The following CPEB3 variants were observed in gnomAD, a reference collection of about 807,000 sequenced individuals.
The protein encoded by CPEB3 is cytoplasmic polyadenylation element-binding protein 3.
A neutral mutation model predicts 67.2 loss-of-function variants in CPEB3; 20 were observed. The ratio of observed to expected loss-of-function variants is 0.30; its 90% confidence interval spans 0.21 to 0.43. The LOEUF is 0.43. CPEB3 is among the 20% of genes least tolerant of loss of function. The pLI, the probability that CPEB3 is intolerant of heterozygous loss-of-function variation, is 1.00. For missense variants in CPEB3, 746 were observed against 968.6 expected, an observed-to-expected ratio of 0.77 and a Z score of 3.05; for synonymous variants, 376 against 393.1, an observed-to-expected ratio of 0.96 and a Z score of 0.51.
chr10:92,148,902 CTT>C (rs35237832), intron 4 of CPEB3, among the ~76,000 whole-genome samples: 2,187 of 131,240 alleles, frequency 0.017, 27 homozygotes, highest in African/African-American at 0.055. Flanking sequence ...CTAATACTGG[CTT>C]TTTTTTTTTT....
chr10:92,090,258 T>C (rs1293118948), intron 8 of CPEB3, among the ~76,000 whole-genome samples: 1 of 152,180 alleles, frequency 6.6e-6, no homozygotes, highest in African/African-American at 2.4e-5. Context: ...AACTAATTTG[T>C]GGCTGGGCGT....
chr10:92,063,199 G>C (rs1842422618), intron 9 of CPEB3, among the ~76,000 whole-genome samples: 2 of 152,190 alleles, frequency 1.3e-5, no homozygotes, highest in South Asian at 4.1e-4. Context: ...TCCGTCTGCA[G>C]TCATTTTGTT....
intron 7 of CPEB3, among the ~76,000 whole-genome samples, chr10:92,106,616 A>G (rs1472096283): frequency 6.6e-6 from 1 of 151,976 alleles, no homozygotes; most frequent in Non-Finnish European, 1.5e-5. Context: ...GGAGTTCGAG[A>G]CCAGCCTGGC....
intron 2 of CPEB3, among the ~76,000 whole-genome samples, chr10:92,203,530 T>TA (rs1564863609): frequency 9.2e-5 from 9 of 97,850 alleles, no homozygotes; most frequent in African/African-American, 2.1e-4. Context: ...ATATATATAT[T>TA]TTTTTTTTAG....
At chr10:92,188,942 A>C (rs919078887) in intron 3 of CPEB3, among the ~76,000 whole-genome samples, 2 of 152,158 alleles carry the variant, frequency 1.3e-5, no homozygotes, top group African/African-American at 4.8e-5. Flanking sequence ...CATGACCAAA[A>C]AACTATTAAA....
rs200179192 is a variant in CPEB3, at chr10:92,211,536, A to AT, written c.1006-18901dup. Among the ~76,000 whole-genome samples, 685 of 140,808 alleles carry AT rather than the reference A, an allele frequency of 4.9e-3. 1 individual carries two copies. Among genetic ancestry groups the AT allele is most frequent in the East Asian group, 0.018 (89 of 4,860 alleles). The allele number at this position is 140,808 out of a possible 152,430, so 92.4% of individuals were successfully genotyped here. A position where few individuals can be genotyped will look rare whatever the true frequency, so the allele number is the denominator to read the frequency against. On this transcript the variant is annotated intron_variant, in intron 2 of 9. Coordinates refer to ENST00000265997, the MANE Select transcript of CPEB3 (RefSeq NM_014912.5). Reference sequence around the variant, plus strand: ...ACAGCTCATTCAAACATATATCATAATTTTTTTTTTTTTTTTTTGAGACAG... The same window carrying AT: ...ACAGCTCATTCAAACATATATCATAATTTTTTTTTTTTTTTTTTTGAGACAG...
At chr10:92,081,947 T>C (rs1057037690) in intron 8 of CPEB3, among the ~76,000 whole-genome samples, 4 of 152,220 alleles carry the variant, frequency 2.6e-5, no homozygotes, top group African/African-American at 7.2e-5. Context: ...GACTAAGCTA[T>C]AGAAAGGATT....
intron 9 of CPEB3, among the ~76,000 whole-genome samples, chr10:92,071,324 G>A (rs1842744753): frequency 6.6e-6 from 1 of 152,228 alleles, no homozygotes; most frequent in Non-Finnish European, 1.5e-5. Flanking sequence ...CAATGGTTGT[G>A]TTGGGGGGCA....
chr10:92,216,601 A>G (rs1590414031), intron 2 of CPEB3: 2 of 1,610,428 alleles, frequency 1.2e-6, no homozygotes, highest in Admixed American at 1.7e-5. Context: ...CCATTGAGGT[A>G]TACTGCCATC....
chr10:92,231,428 C>T (rs1851262812), intron 2 of CPEB3, among the ~76,000 whole-genome samples: 1 of 152,178 alleles, frequency 6.6e-6, no homozygotes, highest in Non-Finnish European at 1.5e-5. Flanking sequence ...TTTCAGAACA[C>T]TTTGTACACA....
intron 2 of CPEB3, among the ~76,000 whole-genome samples, chr10:92,225,079 A>G (rs1850903675): frequency 6.6e-6 from 1 of 151,596 alleles, no homozygotes; most frequent in East Asian, 1.9e-4. Flanking sequence ...GGTTCAAGCA[A>G]TTCTCCTGCC....
In CPEB3 at chr10:92,052,077, A is replaced by AATT. The variant is rs987990380; in HGVS notation, c.*134_*135insAAT. 1.7e-6 allele frequency: 1 copy of AATT among 605,668 alleles called. No individual in the cohort carries two copies. The highest frequency in any genetic ancestry group is 1.9e-5 in the African/African-American group (1 of 53,882). 37.5% of individuals were successfully genotyped at this position (605,668 alleles called of 1,614,324 possible). A position where few individuals can be genotyped will look rare whatever the true frequency, so the allele number is the denominator to read the frequency against. On this transcript the variant is annotated 3_prime_UTR_variant, in exon 10 of 10. Transcript: ENST00000265997. ...GACTGTAAATAATAATAATAATAAT[A>AATT]AAAAGACCCAATTCTTCTTTAAAAA...
chr10:92,168,118 T>C (rs1847831116), intron 4 of CPEB3, among the ~76,000 whole-genome samples: 1 of 152,206 alleles, frequency 6.6e-6, no homozygotes, highest in Non-Finnish European at 1.5e-5. Flanking sequence ...CTATGAAGCA[T>C]GATACAGTGA....
At position 92,118,572 on chromosome 10, in the gene CPEB3, A is replaced by C. The variant is rs1197743747; in HGVS notation, c.1454-7378T>G. On this transcript the variant is annotated intron_variant, in intron 6 of 9. Coordinates refer to ENST00000265997, the MANE Select transcript of CPEB3 (RefSeq NM_014912.5). ...AAAACAATGGGCATGAACTCTTCTA[A>C]TGATATAAAAGACAAAAAGCCTAGG... 9.7e-6 allele frequency: 3 copies of C among 308,856 alleles called. No homozygotes were observed. The East Asian group carries it at 2.2e-4, about 23-fold the overall frequency. The allele number at this position is 308,856 out of a possible 1,614,324, so 19.1% of individuals were successfully genotyped here. A position where few individuals can be genotyped will look rare whatever the true frequency, so the allele number is the denominator to read the frequency against.
At chr10:92,098,254 C>A (rs551678948) in intron 7 of CPEB3, among the ~76,000 whole-genome samples, 1 of 144,460 alleles carries the variant, frequency 6.9e-6, no homozygotes, top group African/African-American at 2.5e-5. Context: ...CCATAGACCC[C>A]ATTTTTTGCA....
chr10:92,138,102 T>C lies in CPEB3; in HGVS notation c.1453+4927A>G, dbSNP rs12243594. The C allele has an allele frequency of 2.9e-3, 466 of 159,496 alleles. 1 individual carries two copies. The highest frequency in any genetic ancestry group is 0.011 in the African/African-American group (450 of 41,766). The allele number at this position is 159,496 out of a possible 1,614,324, so 9.9% of individuals were successfully genotyped here. On this transcript the variant is annotated intron_variant, in intron 6 of 9. Transcript: ENST00000265997. ...AGATATGGAACAAAAGAATGAAATG[T>C]GATCATGAGGGAGTTTTGTTCTGGC... is the stretch of plus-strand genomic sequence containing the variant.
At chr10:92,145,815 T>C (rs1443445317) in intron 4 of CPEB3, among the ~76,000 whole-genome samples, 2 of 152,216 alleles carry the variant, frequency 1.3e-5, no homozygotes, top group South Asian at 2.1e-4. Flanking sequence ...GATTTTTATC[T>C]GCTCTTTATG....
Position 92,049,633 on chromosome 10 carries a change from C to T in CPEB3, c.*2579G>A, listed in dbSNP as rs1852216028. 6.6e-6 allele frequency: 1 copy of T among 152,602 alleles called. No individual in the cohort carries two copies. Among genetic ancestry groups the T allele is most frequent in the African/African-American group, 2.4e-5 (1 of 41,454 alleles). 9.5% of individuals were successfully genotyped at this position (152,602 alleles called of 1,614,324 possible). A position where few individuals can be genotyped will look rare whatever the true frequency, so the allele number is the denominator to read the frequency against. Reference sequence around the variant, plus strand: ...GGGAAAGTAGTTTCCACCATCTATTCACAACTTTCAGCACCAAATGGAGTT... The same window carrying T: ...GGGAAAGTAGTTTCCACCATCTATTTACAACTTTCAGCACCAAATGGAGTT... On this transcript the variant is annotated 3_prime_UTR_variant, in exon 10 of 10. Transcript: ENST00000265997.
chr10:92,206,694 T>C (rs1223031133), intron 2 of CPEB3, among the ~76,000 whole-genome samples: 2 of 152,226 alleles, frequency 1.3e-5, no homozygotes, highest in Non-Finnish European at 2.9e-5. Context: ...TAATTAATTT[T>C]TGCATATTGA....
Sources: gnomAD v4.1 joint callset for allele counts (sites outside exome capture counted in the v4.1 genomes callset) on GRCh38, gnomAD v4.1.1 for gene constraint, MANE v1.5 for transcripts, NCBI Gene and HGNC (gene_info 2026-07-23, HGNC 2026-07-21) for gene names.